The following CRY1 variants were observed in gnomAD, a reference collection of about 807,000 sequenced individuals.
CRY1 encodes cryptochrome circadian regulator 1, also known as cryptochrome-1.
In CRY1, 45 loss-of-function variants were observed where a neutral mutation model predicts 76.0. That is an observed-to-expected ratio of 0.59 (90% CI 0.47 to 0.76). The LOEUF (loss-of-function observed/expected upper bound fraction) is 0.76, where lower values mean the gene tolerates loss of function less well. Ranked by LOEUF, CRY1 falls within the 30% of genes least tolerant of loss-of-function variation. The probability of loss-of-function intolerance (pLI) is 0.00; values close to 1 mark genes in which losing one functional copy is unlikely to be tolerated. For missense variants in CRY1, 587 were observed against 716.4 expected, an observed-to-expected ratio of 0.82 and a Z score of 2.06; for synonymous variants, 248 against 244.0, an observed-to-expected ratio of 1.02 and a Z score of -0.15.
At chr12:107,067,741 G>T (rs901438243) in intron 1 of CRY1, among the ~76,000 whole-genome samples, 6 of 152,102 alleles carry the variant, frequency 3.9e-5, no homozygotes, top group Non-Finnish European at 5.9e-5. Flanking sequence ...AAAGTGTAGG[G>T]GACAGGAGAA....
intron 1 of CRY1, among the ~76,000 whole-genome samples, chr12:107,037,794 A>T (rs1952753256): frequency 6.6e-6 from 1 of 152,086 alleles, no homozygotes; most frequent in Admixed American, 6.6e-5. Context: ...CTGCAGCCTC[A>T]AATTCCTAGG....
At chr12:107,051,359 T>A (rs7294953) in intron 1 of CRY1, among the ~76,000 whole-genome samples, 7 of 151,966 alleles carry the variant, frequency 4.6e-5, no homozygotes, top group Non-Finnish European at 7.4e-5. Flanking sequence ...GTCCTTTTTA[T>A]GGTAAAATAT....
intron 2 of CRY1, among the ~76,000 whole-genome samples, chr12:107,009,603 A>ATATATAT (rs1566245681): frequency 8.9e-3 from 69 of 7,754 alleles, no homozygotes; most frequent in African/African-American, 0.019. Context: ...TATATATATA[A>ATATATAT]AATCTCTATA....
In CRY1 at chr12:106,997,523, T is replaced by C; in HGVS notation, c.1457A>G (p.Gln486Arg). 6.2e-7 allele frequency: 1 copy of C among 1,614,114 alleles called. No homozygotes were observed. The highest frequency in any genetic ancestry group is 8.5e-7 in the Non-Finnish European group (1 of 1,180,002). Residue 486 changes from glutamine (Q) to arginine (R), a missense_variant, in exon 9 of 13, where the codon CAG becomes CGG. Coordinates refer to ENST00000008527, the MANE Select transcript of CRY1 (RefSeq NM_004075.5). ...ATATCGTGAAAGCTGCTGATAGATCTGTTTCATCCTTTCGATATTCAAACG... is the reference window on the plus strand; with the variant it reads ...ATATCGTGAAAGCTGCTGATAGATCCGTTTCATCCTTTCGATATTCAAACG... ...ASRLNIERMK[Q>R]IYQQLSRYRG... is the part of the protein sequence containing the mutation.
At chr12:107,039,074 G>A (rs865878597) in intron 1 of CRY1, among the ~76,000 whole-genome samples, 1 of 152,026 alleles carries the variant, frequency 6.6e-6, no homozygotes, top group African/African-American at 2.4e-5. Flanking sequence ...GCAGTGAGCC[G>A]GGATCGTGCC....
chr12:107,078,442 C>G (rs1190370882), intron 1 of CRY1, among the ~76,000 whole-genome samples: 1 of 152,144 alleles, frequency 6.6e-6, no homozygotes, highest in Non-Finnish European at 1.5e-5. Flanking sequence ...TGGCACTCTC[C>G]TGGATCCTCT....
At position 107,072,554 on chromosome 12, in the gene CRY1, T is replaced by C. The variant is rs1010709584; in HGVS notation, c.158+20250A>G. On this transcript the variant is annotated intron_variant, in intron 1 of 12. Transcript: ENST00000008527. Reference sequence around the variant, plus strand: ...CAGAAGTCCTATGTTATTTATACTGTTGGGGGCATAAAAAGGATAGGAAGT... The same window carrying C: ...CAGAAGTCCTATGTTATTTATACTGCTGGGGGCATAAAAAGGATAGGAAGT... Among the ~76,000 whole-genome samples the C allele has an allele frequency of 3.3e-5, 5 of 152,306 alleles. No individual in the cohort carries two copies. The East Asian group carries it at 5.8e-4, about 18-fold the overall frequency.
chr12:107,082,057 T>C (rs1298805567), intron 1 of CRY1, among the ~76,000 whole-genome samples: 4 of 151,932 alleles, frequency 2.6e-5, no homozygotes, highest in African/African-American at 4.8e-5. Flanking sequence ...TCCTAGTCTC[T>C]GATAAAACAG....
chr12:107,054,693 C>T (rs1284540276), intron 1 of CRY1, among the ~76,000 whole-genome samples: 1 of 141,828 alleles, frequency 7.1e-6, no homozygotes, highest in Non-Finnish European at 1.5e-5. Flanking sequence ...TATAAACATA[C>T]CAAAGAAAGC....
Position 107,062,472 on chromosome 12 carries a change from G to C in CRY1, c.158+30332C>G, listed in dbSNP as rs571064289. 6.3e-4 allele frequency among the ~76,000 whole-genome samples: 96 copies of C among 152,130 alleles called. 1 individual carries two copies. Among genetic ancestry groups the C allele is most frequent in the African/African-American group, 2.2e-3 (92 of 41,514 alleles). ...TTATTCTACTATCACTTAAAACTTA[G>C]TTTTTCCTTGATGCTCAAAGCTAGT... On this transcript the variant is annotated intron_variant, in intron 1 of 12. Transcript: ENST00000008527.
chr12:107,000,090 C>T lies in CRY1; in HGVS notation c.685-8G>A, dbSNP rs770172214. 2.5e-6 allele frequency: 4 copies of T among 1,583,872 alleles called. No individual in the cohort carries two copies. In the East Asian group the frequency reaches 9.0e-5, roughly 36 times the overall value. On this transcript the variant is annotated splice_region_variant and splice_polypyrimidine_tract_variant and intron_variant, in intron 5 of 12. Coordinates refer to ENST00000008527, the MANE Select transcript of CRY1 (RefSeq NM_004075.5). The stretch of plus-strand genomic sequence containing the variant: ...AAAATTTGCCACCCAAGCCTGAAAA[C>T]ACACAGAGAAAATTATATTAACTAA...
chr12:107,011,884 A>T (rs1012810637), intron 2 of CRY1, among the ~76,000 whole-genome samples: 2 of 152,208 alleles, frequency 1.3e-5, no homozygotes, highest in Non-Finnish European at 2.9e-5. Context: ...GGACTTTCAT[A>T]GCTAGACAGA....
chr12:107,053,624 G>A (rs1433072228), intron 1 of CRY1, among the ~76,000 whole-genome samples: 1 of 152,088 alleles, frequency 6.6e-6, no homozygotes, highest in East Asian at 1.9e-4. Context: ...GGCTACAAAT[G>A]TATTTCCAAA....
At chr12:107,037,617 T>C (rs892224767) in intron 1 of CRY1, among the ~76,000 whole-genome samples, 21 of 152,184 alleles carry the variant, frequency 1.4e-4, no homozygotes, top group African/African-American at 5.1e-4. Context: ...CTTAAGTTTT[T>C]ACTCTGAGTG....
At chr12:107,042,138 A>G (rs1952805745) in intron 1 of CRY1, among the ~76,000 whole-genome samples, 1 of 152,254 alleles carries the variant, frequency 6.6e-6, no homozygotes, top group African/African-American at 2.4e-5. Context: ...GAATGACTGA[A>G]TAATTAAATC....
At chr12:107,048,537 C>T (rs11613557) in intron 1 of CRY1, among the ~76,000 whole-genome samples, 18,817 of 152,084 alleles carry the variant, frequency 0.12, 1,961 homozygotes, top group African/African-American at 0.27. Flanking sequence ...CTGTCCTCTC[C>T]TTTTGGGATT....
chr12:107,070,946 C>A lies in CRY1; in HGVS notation c.158+21858G>T, dbSNP rs1291887418. ...ATCTCGATCTCCTGACCTGGTGATC[C>A]CCCTGCCTCGGCCTCCCAAAGTGCT... On this transcript the variant is annotated intron_variant, in intron 1 of 12. Coordinates refer to ENST00000008527, the MANE Select transcript of CRY1 (RefSeq NM_004075.5). 3.3e-5 allele frequency among the ~76,000 whole-genome samples: 5 copies of A among 151,582 alleles called. No homozygotes were observed. The East Asian group carries it at 9.7e-4, about 29-fold the overall frequency.
At chr12:107,030,786 G>T (rs1354567066) in intron 1 of CRY1, among the ~76,000 whole-genome samples, 1 of 151,992 alleles carries the variant, frequency 6.6e-6, no homozygotes, top group Non-Finnish European at 1.5e-5. Flanking sequence ...GGTGGGGAAG[G>T]GGGCAGGGGA....
intron 1 of CRY1, among the ~76,000 whole-genome samples, chr12:107,068,588 G>A (rs937404021): frequency 2.0e-5 from 3 of 152,010 alleles, no homozygotes; most frequent in Non-Finnish European, 2.9e-5. Context: ...ATGAGCAACC[G>A]CACTCAGCCC....
Sources: allele counts gnomAD v4.1 joint callset (sites outside exome capture counted in the v4.1 genomes callset), GRCh38; gene constraint gnomAD v4.1.1; transcripts MANE v1.5; gene names NCBI Gene and HGNC (gene_info 2026-07-23, HGNC 2026-07-21).